The following TFDP2 variants were observed in gnomAD, a reference collection of about 807,000 sequenced individuals.
TFDP2 encodes the protein transcription factor Dp-2 (E2F dimerization partner 2).
Under a neutral mutation model 59.3 loss-of-function variants are expected in TFDP2, and 17 were observed. That is an observed-to-expected ratio of 0.29 (90% CI 0.20 to 0.43). The LOEUF (loss-of-function observed/expected upper bound fraction) is 0.43. Ranked by LOEUF, TFDP2 falls within the 20% of genes least tolerant of loss-of-function variation. TFDP2 has a pLI of 1.00. For missense variants in TFDP2, 391 were observed against 528.8 expected (o/e 0.74, Z 2.56); for synonymous variants, 180 against 194.7 (o/e 0.92, Z 0.63).
intron 3 of TFDP2, among the ~76,000 whole-genome samples, chr3:142,046,038 T>C (rs368414654): frequency 1.3e-5 from 2 of 152,210 alleles, no homozygotes; most frequent in African/African-American, 4.8e-5. Context: ...TAAAATTATA[T>C]ACTATCTAGA....
At chr3:142,106,362 A>G (rs1459228884) in intron 1 of TFDP2, among the ~76,000 whole-genome samples, 2 of 152,262 alleles carry the variant, frequency 1.3e-5, no homozygotes, top group Non-Finnish European at 2.9e-5. Context: ...CATTCAATTA[A>G]AAATTAAGTA....
At chr3:142,041,867 T>G (rs907452421) in intron 3 of TFDP2, among the ~76,000 whole-genome samples, 4 of 152,248 alleles carry the variant, frequency 2.6e-5, no homozygotes, top group Non-Finnish European at 5.9e-5. Context: ...TAGGTTCATT[T>G]TTTTGCATAC....
At chr3:142,012,926 C>G (rs923537588) in intron 3 of TFDP2, among the ~76,000 whole-genome samples, 1 of 152,110 alleles carries the variant, frequency 6.6e-6, no homozygotes, top group Admixed American at 6.5e-5. Context: ...ATCACGAGGC[C>G]AGGAGTTTGA....
intron 3 of TFDP2, among the ~76,000 whole-genome samples, chr3:142,048,218 C>A (rs1034333077): frequency 2.0e-5 from 3 of 151,904 alleles, no homozygotes; most frequent in African/African-American, 7.3e-5. Context: ...AGTTCAAGAC[C>A]AGCCTGGGCA....
At chr3:142,005,353 A>G in intron 4 of TFDP2, 88 bp downstream of exon 4, 1 of 1,143,318 alleles carries the variant, frequency 8.7e-7, no homozygotes, top group East Asian at 2.5e-5. Context: ...TAACTGGAAT[A>G]TCTGATCAAA....
intron 1 of TFDP2, among the ~76,000 whole-genome samples, chr3:142,129,845 A>C (rs2062428149): frequency 6.6e-6 from 1 of 152,060 alleles, no homozygotes; most frequent in Non-Finnish European, 1.5e-5. Context: ...AAGATACTCA[A>C]CATCCCTAAT....
At chr3:142,140,461 T>G (rs2062907060) in intron 1 of TFDP2, among the ~76,000 whole-genome samples, 2 of 152,246 alleles carry the variant, frequency 1.3e-5, no homozygotes, top group African/African-American at 4.8e-5. Flanking sequence ...TTTAGAATTC[T>G]CAGCTTTTCT....
intron 3 of TFDP2, among the ~76,000 whole-genome samples, chr3:142,087,499 T>C (rs1309989904): frequency 6.7e-6 from 1 of 149,246 alleles, no homozygotes; most frequent in East Asian, 1.9e-4. Context: ...CACATACTTC[T>C]TTTCTTTTTT....
rs115151898 is a variant in TFDP2, at chr3:141,984,315, C to T, written c.357-5633G>A. Among the ~76,000 whole-genome samples, 744 of 152,150 alleles carry T rather than the reference C, an allele frequency of 4.9e-3. 4 individuals are homozygous for T. Among genetic ancestry groups the T allele is most frequent in the African/African-American group, 0.017 (708 of 41,492 alleles). The stretch of plus-strand genomic sequence containing the variant: ...AAGAGATCAAGACCATCCTGGCCAA[C>T]GTGGTGAAACCCCGTTTACTAAAAA... On this transcript the variant is annotated intron_variant, in intron 6 of 12. Coordinates refer to ENST00000489671, the MANE Select transcript of TFDP2 (RefSeq NM_001178139.2).
chr3:142,047,990 C>G (rs1016834831), intron 3 of TFDP2, among the ~76,000 whole-genome samples: 8 of 152,098 alleles, frequency 5.3e-5, no homozygotes, highest in African/African-American at 1.9e-4. Flanking sequence ...GATCCACACA[C>G]CTCGGCCTCC....
At chr3:142,042,737 CTTTTTT>C (rs1162932187) in intron 3 of TFDP2, among the ~76,000 whole-genome samples, 3 of 75,162 alleles carry the variant, frequency 4.0e-5, no homozygotes, top group Non-Finnish European at 7.6e-5. Context: ...TGCCTGGACG[CTTTTTT>C]TTTTTTTTTT....
intron 1 of TFDP2, among the ~76,000 whole-genome samples, chr3:142,144,538 T>A (rs564510330): frequency 6.6e-6 from 1 of 151,582 alleles, no homozygotes; most frequent in Non-Finnish European, 1.5e-5. Flanking sequence ...TATTTATTCC[T>A]ATTTATTTAT....
intron 3 of TFDP2, among the ~76,000 whole-genome samples, chr3:142,018,934 T>TTTG (rs1173444461): frequency 6.6e-6 from 1 of 150,764 alleles, no homozygotes; most frequent in Non-Finnish European, 1.5e-5. Flanking sequence ...GGTGAGTTTT[T>TTTG]TTTTTTTTTT....
In TFDP2 at chr3:141,949,708, AGT is replaced by A. The variant is rs1472441095; in HGVS notation, c.*2803_*2804del. On this transcript the variant is annotated 3_prime_UTR_variant, in exon 13 of 13. Transcript: ENST00000489671. The stretch of plus-strand genomic sequence containing the variant: ...AAGGCCTCTTGAACTCCCCACAATC[AGT>A]GTGTGCCAGCAGCCCTGGGAGGAGT... The A allele has an allele frequency of 1.3e-5, 2 of 151,982 alleles. No individual in the cohort carries two copies. The highest frequency in any genetic ancestry group is 2.9e-5 in the Non-Finnish European group (2 of 68,102). 9.4% of individuals were successfully genotyped at this position (151,982 alleles called of 1,614,324 possible).
At position 141,991,497 on chromosome 3, in the gene TFDP2, G is replaced by A. The variant is rs557185345; in HGVS notation, c.356+2041C>T. 2.6e-5 allele frequency among the ~76,000 whole-genome samples: 4 copies of A among 152,322 alleles called. No homozygotes were observed. The South Asian group carries it at 6.2e-4, about 24-fold the overall frequency. ...AAAAAGGCCAGGTGTGGTGGCTCAT[G>A]CCTATAATCTCAGCACTTTGGGAGG... On this transcript the variant is annotated intron_variant, in intron 6 of 12. Transcript: ENST00000489671.
rs578120203 is a variant in TFDP2, at chr3:142,054,000, G to A, written c.82+39061C>T. Reference sequence around the variant, plus strand: ...AAAAAACTGACCATACCAAGTGCTGGCAAGGACACAGGGCACTAGAACTCT... The same window carrying A: ...AAAAAACTGACCATACCAAGTGCTGACAAGGACACAGGGCACTAGAACTCT... On this transcript the variant is annotated intron_variant, in intron 3 of 12. Transcript: ENST00000489671. The A allele has an allele frequency of 4.6e-5, 7 of 152,258 alleles. No homozygotes were observed. The South Asian group carries it at 1.0e-3, about 23-fold the overall frequency. The allele number at this position is 152,258 out of a possible 1,614,324, so 9.4% of individuals were successfully genotyped here.
At chr3:142,115,148 T>C (rs977559694) in intron 1 of TFDP2, among the ~76,000 whole-genome samples, 1 of 152,140 alleles carries the variant, frequency 6.6e-6, no homozygotes, top group African/African-American at 2.4e-5. Flanking sequence ...CTTATATATA[T>C]TCTTTTAAAA....
intron 11 of TFDP2, among the ~76,000 whole-genome samples, chr3:141,958,080 T>C (rs1176099271): frequency 6.6e-6 from 1 of 152,102 alleles, no homozygotes; most frequent in Non-Finnish European, 1.5e-5. Flanking sequence ...TTTGGTAAAA[T>C]CAAATTGAAA....
intron 7 of TFDP2, among the ~76,000 whole-genome samples, chr3:141,976,738 A>C (rs1430781237): frequency 6.6e-6 from 1 of 151,868 alleles, no homozygotes. Flanking sequence ...CTTGCAGATC[A>C]TTGTGAGAAC....
Sources: allele counts gnomAD v4.1 joint callset (sites outside exome capture counted in the v4.1 genomes callset), GRCh38; gene constraint gnomAD v4.1.1; transcripts MANE v1.5; gene names NCBI Gene and HGNC (gene_info 2026-07-23, HGNC 2026-07-21).